Variants in NSD1 observed in about 807,000 individuals in gnomAD.
NSD1 encodes histone-lysine N-methyltransferase, H3 lysine-36 specific.
NSD1 carries 26 observed loss-of-function variants against 242.7 expected under a neutral mutation model. The ratio of observed to expected loss-of-function variants is 0.11; its 90% confidence interval spans 0.08 to 0.15. NSD1 has a LOEUF of 0.15. Ranked by LOEUF, NSD1 falls within the 10% of genes least tolerant of loss-of-function variation. The pLI, the probability that NSD1 is intolerant of heterozygous loss-of-function variation, is 1.00. For missense variants in NSD1, 2,495 were observed against 3,272.8 expected (o/e 0.76, Z 5.80); for synonymous variants, 1,106 against 1,178.1 (o/e 0.94, Z 1.25).
intron 5 of NSD1, among the ~76,000 whole-genome samples, chr5:177,230,598 A>G (rs749233334): frequency 7.9e-5 from 12 of 152,028 alleles, no homozygotes; most frequent in Non-Finnish European, 1.3e-4. Context: ...GGCTGAGGTG[A>G]GCAGATCACC....
At chr5:177,268,668 G>C (rs766094956) in intron 15 of NSD1, among the ~76,000 whole-genome samples, 1 of 152,040 alleles carries the variant, frequency 6.6e-6, no homozygotes, top group African/African-American at 2.4e-5. Flanking sequence ...GGTAACCACT[G>C]TACTCAATTC....
chr5:177,255,793 C>T (rs1252248908), intron 12 of NSD1, among the ~76,000 whole-genome samples: 1 of 152,048 alleles, frequency 6.6e-6, no homozygotes, highest in African/African-American at 2.4e-5. Context: ...CTATGTTCCC[C>T]AGGCTAGGCT....
At chr5:177,266,647 G>C in intron 14 of NSD1, 1 of 428,306 alleles carries the variant, frequency 2.3e-6, no homozygotes, top group Non-Finnish European at 3.9e-6. Context: ...TCTATAGTAG[G>C]ATTTTAAGAG....
intron 9 of NSD1, 143 bp from the exon 10 acceptor site, chr5:177,246,535 A>G: frequency 1.4e-6 from 1 of 690,186 alleles, no homozygotes; most frequent in Non-Finnish European, 2.7e-6. Context: ...GTTAGTCTCA[A>G]TTATTATTTC....
At chr5:177,283,694 T>G in intron 19 of NSD1, 93 bp from the exon 20 acceptor site, 1 of 1,425,132 alleles carries the variant, frequency 7.0e-7, no homozygotes, top group Non-Finnish European at 9.9e-7. Context: ...TCTTTACAAA[T>G]AGAAACTCCA....
At chr5:177,279,900 A>G (rs1476551569) in intron 17 of NSD1, among the ~76,000 whole-genome samples, 2 of 150,972 alleles carry the variant, frequency 1.3e-5, no homozygotes, top group Non-Finnish European at 3.0e-5. Context: ...TACAGGTGTG[A>G]GCCACCAGGC....
At chr5:177,283,644 G>A in intron 19 of NSD1, 143 bp from the exon 20 acceptor site, 1 of 937,212 alleles carries the variant, frequency 1.1e-6, no homozygotes, top group Non-Finnish European at 1.7e-6. Flanking sequence ...CACACTTTGA[G>A]AACCAAAGTT....
chr5:177,279,007 A>G (rs1206103484), intron 17 of NSD1, among the ~76,000 whole-genome samples: 1 of 152,220 alleles, frequency 6.6e-6, no homozygotes, highest in African/African-American at 2.4e-5. Context: ...TTTGAGCACT[A>G]GCACCACTTC....
intron 17 of NSD1, among the ~76,000 whole-genome samples, chr5:177,275,545 T>A (rs1264101534): frequency 7.1e-6 from 1 of 140,584 alleles, no homozygotes; most frequent in Non-Finnish European, 1.5e-5. Context: ...GCCATTCTCC[T>A]GCCTCAGCCT....
rs577360041 is a variant in NSD1 at position 177,255,171 on chromosome 5, G to A, written c.4766-1780G>A. ...AATATAAAAATTAGCCAGGCATGGC[G>A]GTGGGTGCCTGTAATCCCACATACT... is the stretch of plus-strand genomic sequence containing the variant. On this transcript the variant is annotated intron_variant, in intron 12 of 22. Coordinates refer to ENST00000439151, the MANE Select transcript of NSD1 (RefSeq NM_022455.5). Among the ~76,000 whole-genome samples the A allele has an allele frequency of 3.9e-5, 6 of 152,144 alleles. No individual in the cohort carries two copies. The South Asian group carries it at 6.2e-4, about 16-fold the overall frequency.
At position 177,187,974 on chromosome 5, in the gene NSD1, T is replaced by C. The variant is rs1413334203; in HGVS notation, c.928-3910T>C. Among the ~76,000 whole-genome samples, 4 of 152,178 alleles carry C rather than the reference T, an allele frequency of 2.6e-5. No individual in the cohort carries two copies. In the East Asian group the frequency reaches 7.7e-4, roughly 29 times the overall value. ...TTAGTACCAGTATATTATTTCCAAC[T>C]GGACCTATAGACATTAGAAAAAGCC... On this transcript the variant is annotated intron_variant, in intron 2 of 22. Transcript: ENST00000439151.
rs762571907 is a variant in NSD1 at position 177,256,608 on chromosome 5, C to T, written c.4766-343C>T. Among the ~76,000 whole-genome samples the T allele has an allele frequency of 4.6e-5, 7 of 152,322 alleles. No individual in the cohort carries two copies. The East Asian group carries it at 7.7e-4, about 17-fold the overall frequency. Reference sequence around the variant, plus strand: ...CAACTTAAATTTCGTTGGTTGCCTCCTGGAGGTATCCCCTTAACTTGTTCC... The same window carrying T: ...CAACTTAAATTTCGTTGGTTGCCTCTTGGAGGTATCCCCTTAACTTGTTCC... On this transcript the variant is annotated intron_variant, in intron 12 of 22. Transcript: ENST00000439151.
rs766201833 is a variant in NSD1, at chr5:177,251,868, G to A, written c.4765+15G>A. 133 of 1,613,920 alleles carry A rather than the reference G, an allele frequency of 8.2e-5. No individual in the cohort carries two copies. Among genetic ancestry groups the A allele is most frequent in the Non-Finnish European group, 9.7e-5 (115 of 1,179,966 alleles). On this transcript the variant is annotated intron_variant, in intron 12 of 22. Coordinates refer to ENST00000439151, the MANE Select transcript of NSD1 (RefSeq NM_022455.5). ...ATGTCGCACAGGTAAAGTAGATATC[G>A]AACGGTCTTCCTCCAAAGAAAGTTT...
intron 14 of NSD1, chr5:177,266,429 T>TA: frequency 1.6e-6 from 1 of 623,950 alleles, no homozygotes; most frequent in Non-Finnish European, 3.0e-6. Context: ...ACCTTGTCTT[T>TA]AAAGAGGTGG....
At chr5:177,178,924 G>C (rs756613731) in intron 2 of NSD1, among the ~76,000 whole-genome samples, 2 of 152,146 alleles carry the variant, frequency 1.3e-5, no homozygotes, top group Admixed American at 6.5e-5. Flanking sequence ...AGTAAAAAGA[G>C]GTATGCACAA....
At chr5:177,255,469 G>A (rs1756355297) in intron 12 of NSD1, among the ~76,000 whole-genome samples, 1 of 152,178 alleles carries the variant, frequency 6.6e-6, no homozygotes, top group Non-Finnish European at 1.5e-5. Flanking sequence ...TTACCTGTAG[G>A]AGGATTCATG....
At chr5:177,240,435 C>T (rs187692540) in intron 8 of NSD1, among the ~76,000 whole-genome samples, 52 of 151,986 alleles carry the variant, frequency 3.4e-4, no homozygotes, top group Middle Eastern at 3.4e-3. Flanking sequence ...TGATGGTGGC[C>T]GGGCGCAGTG....
At chr5:177,150,769 A>G (rs746169250) in intron 2 of NSD1, among the ~76,000 whole-genome samples, 7 of 152,150 alleles carry the variant, frequency 4.6e-5, no homozygotes, top group East Asian at 1.9e-4. Context: ...TTATGAGGCT[A>G]TATTTCCTGT....
chr5:177,221,303 T>G (rs1287929923), intron 5 of NSD1, among the ~76,000 whole-genome samples: 1 of 150,158 alleles, frequency 6.7e-6, no homozygotes, highest in East Asian at 1.9e-4. Flanking sequence ...TGTTTTTTGT[T>G]TTTTTTTTTA....
Sources: allele counts gnomAD v4.1 joint callset (sites outside exome capture counted in the v4.1 genomes callset), GRCh38; gene constraint gnomAD v4.1.1; transcripts MANE v1.5; gene names NCBI Gene and HGNC (gene_info 2026-07-23, HGNC 2026-07-21).